MMP8: variants seen among roughly 807,000 people sequenced by gnomAD.
The protein encoded by MMP8 is matrix metallopeptidase 8, also known as neutrophil collagenase.
In MMP8, 67 loss-of-function variants were observed where a neutral mutation model predicts 51.2. The observed-to-expected ratio is 1.31, with a 90% confidence interval of 1.08 to 1.60. The LOEUF is 1.60. MMP8 is among the 40% of genes most tolerant of loss of function. The probability of loss-of-function intolerance (pLI) is 0.00; values close to 1 mark genes in which losing one functional copy is unlikely to be tolerated. For synonymous variants in MMP8, 225 were observed against 191.0 expected (o/e 1.18, Z -1.47); for missense variants, 654 against 558.1 (o/e 1.17, Z -1.73).
chr11:102,720,419 G>T (rs1473539681), intron 4 of MMP8, among the ~76,000 whole-genome samples: 2 of 152,118 alleles, frequency 1.3e-5, no homozygotes, highest in African/African-American at 4.8e-5. Flanking sequence ...GAGAGGAGCT[G>T]AGGGTTATTA....
intron 1 of MMP8, chr11:102,723,822 A>G: frequency 4.1e-6 from 1 of 244,496 alleles, no homozygotes; most frequent in South Asian, 4.4e-5. Context: ...CCACAGCAGT[A>G]GGTGACACTG....
chr11:102,721,646 T>A lies in MMP8; in HGVS notation c.464A>T (p.Glu155Val). The change falls in exon 3 of 10, where the codon GAG (glutamate) becomes GTG (valine). Residue 155 changes from glutamate (E) to valine (V), a missense_variant. By Grantham distance (121) the Glu-to-Val change is moderately radical. Coordinates refer to ENST00000236826, the MANE Select transcript of MMP8 (RefSeq NM_002424.3). ...GTAAAAAGCAATGTTGATATCTGCC[T>A]CTCCCTGTGAGATCCTGGTGAAGAT... is the stretch of plus-strand genomic sequence containing the variant. ...PLIFTRISQG[E>V]ADINIAFYQR... 1 of 1,613,830 alleles carries A rather than the reference T, an allele frequency of 6.2e-7. No homozygotes were observed. Among genetic ancestry groups the A allele is most frequent in the Non-Finnish European group, 8.5e-7 (1 of 1,179,840 alleles).
chr11:102,721,358 T>C, intron 4 of MMP8, 43 bp downstream of exon 4: 1 of 1,609,402 alleles, frequency 6.2e-7, no homozygotes, highest in East Asian at 2.2e-5. Context: ...CTGTAAAAGG[T>C]TAATTCAGAA....
At chr11:102,722,719 CA>C in intron 1 of MMP8, 46 bp from the exon 2 acceptor site, 1 of 1,601,958 alleles carries the variant, frequency 6.2e-7, no homozygotes, top group Non-Finnish European at 8.5e-7. Flanking sequence ...AAAGGACCTC[CA>C]GTTCTCTGGT....
Position 102,713,327 on chromosome 11 carries a change from A to T in MMP8, c.*21T>A, listed in dbSNP as rs776363545. 1 of 1,527,924 alleles carries T rather than the reference A, an allele frequency of 6.5e-7. No individual in the cohort carries two copies. Among genetic ancestry groups the T allele is most frequent in the Non-Finnish European group, 9.1e-7 (1 of 1,102,200 alleles). The allele number at this position is 1,527,924 out of a possible 1,614,324, so 94.6% of individuals were successfully genotyped here. A position where few individuals can be genotyped will look rare whatever the true frequency, so the allele number is the denominator to read the frequency against. On this transcript the variant is annotated 3_prime_UTR_variant, in exon 10 of 10. Coordinates refer to ENST00000236826, the MANE Select transcript of MMP8 (RefSeq NM_002424.3). ...TCCCTTCAACATTCTGAAAGTGGAT[A>T]CAGCCACATTTGATTTTGCTTCAGC...
At chr11:102,719,846 G>A (rs1471431248) in intron 4 of MMP8, among the ~76,000 whole-genome samples, 1 of 152,366 alleles carries the variant, frequency 6.6e-6, no homozygotes, top group South Asian at 2.1e-4. Context: ...AAAGCACACA[G>A]TGAGTGATGA....
intron 5 of MMP8, among the ~76,000 whole-genome samples, chr11:102,717,994 C>T (rs910553542): frequency 1.3e-5 from 2 of 152,050 alleles, no homozygotes; most frequent in African/African-American, 4.8e-5. Context: ...GTAATCTCAG[C>T]TACTTGAGAG....
rs151025822 is a variant in MMP8 at position 102,723,508 on chromosome 11, A to G, written c.103-835T>C. 4.1e-3 allele frequency: 1,888 copies of G among 456,134 alleles called. 35 individuals are homozygous for G. The highest frequency in any genetic ancestry group is 0.019 in the South Asian group (1,203 of 64,502). The allele number at this position is 456,134 out of a possible 1,614,324, so 28.3% of individuals were successfully genotyped here. ...TCTGGAGGCTGGGAAGTCCAAGATC[A>G]GGTGGCTGCATCTGGTTGGCTTCTG... is the stretch of plus-strand genomic sequence containing the variant. On this transcript the variant is annotated intron_variant, in intron 1 of 9. Coordinates refer to ENST00000236826, the MANE Select transcript of MMP8 (RefSeq NM_002424.3).
chr11:102,714,762 TTATATATATATATA>T (rs58774554), intron 7 of MMP8, 53 bp from the exon 8 acceptor site: 11,023 of 176,352 alleles, frequency 0.063, 323 homozygotes, highest in Middle Eastern at 0.081. Flanking sequence ...TTTTACAAAA[TTATATATATATATA>T]TATATATATA....
chr11:102,714,830 A>G (rs927546548), intron 7 of MMP8, 121 bp from the exon 8 acceptor site: 5 of 272,154 alleles, frequency 1.8e-5, no homozygotes, highest in Non-Finnish European at 2.5e-5. Context: ...TTGCACATAG[A>G]TATGAAAATG....
At chr11:102,718,625 G>T (rs762821138) in intron 4 of MMP8, 50 bp from the exon 5 acceptor site, 2 of 1,605,106 alleles carry the variant, frequency 1.2e-6, no homozygotes, top group East Asian at 2.2e-5. Context: ...TCCCAGGGTG[G>T]CAGAAACATG....
At chr11:102,722,005 GCTGCCGT>G (rs1241347682) in intron 2 of MMP8, among the ~76,000 whole-genome samples, 3 of 152,070 alleles carry the variant, frequency 2.0e-5, no homozygotes, top group Non-Finnish European at 4.4e-5. Flanking sequence ...CTCTCATAGG[GCTGCCGT>G]GGGGATTAAA....
chr11:102,720,401 A>T lies in MMP8; in HGVS notation c.622+1000T>A, dbSNP rs180919682. On this transcript the variant is annotated intron_variant, in intron 4 of 9. Coordinates refer to ENST00000236826, the MANE Select transcript of MMP8 (RefSeq NM_002424.3). ...CATCCGAACTAGTGAGGAGGGCAAC[A>T]GGGAATGGAGAGGAGCTGAGGGTTA... Among the ~76,000 whole-genome samples, 7 of 152,310 alleles carry T rather than the reference A, an allele frequency of 4.6e-5. No homozygotes were observed. In the East Asian group the frequency reaches 1.4e-3, roughly 29 times the overall value.
In MMP8 at chr11:102,721,477, A is replaced by G; in HGVS notation, c.546T>C (p.His182=). The change falls in exon 4 of 10, where the codon CAT becomes CAC. Residue 182 remains histidine, a synonymous_variant. Transcript: ENST00000236826. ...CAATACCTTGGCCTGGCTGAAAGGC[A>G]TGAGCAAGGATTCCATTGGGTCCAT... ...PFDGPNGILA[H]AFQPGQGIGG... 1 of 1,613,928 alleles carries G rather than the reference A, an allele frequency of 6.2e-7. No individual in the cohort carries two copies. Among genetic ancestry groups the G allele is most frequent in the Non-Finnish European group, 8.5e-7 (1 of 1,179,854 alleles).
intron 1 of MMP8, chr11:102,723,161 A>G: frequency 3.2e-6 from 2 of 616,604 alleles, no homozygotes; most frequent in Non-Finnish European, 5.2e-6. Context: ...TGCCTCTCAA[A>G]TGAGAACTGA....
At chr11:102,713,496 A>G (rs1490390093) in intron 9 of MMP8, 39 bp from the exon 10 acceptor site, 1 of 1,476,234 alleles carries the variant, frequency 6.8e-7, no homozygotes, top group African/African-American at 1.4e-5. Context: ...ATTAGCTTAT[A>G]GAATATCTCA....
At chr11:102,722,949 A>T in intron 1 of MMP8, 1 of 1,236,300 alleles carries the variant, frequency 8.1e-7, no homozygotes, top group Non-Finnish European at 1.1e-6. Flanking sequence ...CTCTACAGTC[A>T]GGAGACTGTC....
chr11:102,714,875 G>C (rs562758243), intron 7 of MMP8, among the ~76,000 whole-genome samples, 166 bp from the exon 8 acceptor site: 1 of 148,762 alleles, frequency 6.7e-6, no homozygotes, highest in African/African-American at 2.5e-5. Flanking sequence ...AGATGATAAA[G>C]TTAAGTTCAG....
intron 4 of MMP8, among the ~76,000 whole-genome samples, chr11:102,720,278 C>T (rs563348716): frequency 1.3e-5 from 2 of 152,272 alleles, no homozygotes; most frequent in African/African-American, 4.8e-5. Flanking sequence ...CAAAAACAAA[C>T]CCTGCTGCAA....
Sources: gnomAD v4.1 joint callset for allele counts (sites outside exome capture counted in the v4.1 genomes callset) on GRCh38, gnomAD v4.1.1 for gene constraint, MANE v1.5 for transcripts, NCBI Gene and HGNC (gene_info 2026-07-23, HGNC 2026-07-21) for gene names.